Variants in ARHGAP19 observed in about 807,000 individuals in gnomAD.
ARHGAP19 encodes rho GTPase-activating protein 19.
ARHGAP19 carries 48 observed loss-of-function variants against 60.9 expected under a neutral mutation model. The ratio of observed to expected loss-of-function variants is 0.79; its 90% CI spans 0.62 to 1.00. The LOEUF (loss-of-function observed/expected upper bound fraction) is 1.00. Ranked by LOEUF, ARHGAP19 falls within the 50% of genes least tolerant of loss-of-function variation. ARHGAP19 has a pLI of 0.00. For synonymous variants in ARHGAP19, 209 were observed against 215.5 expected (o/e 0.97, Z 0.27); for missense variants, 562 against 597.2 (o/e 0.94, Z 0.61).
At chr10:97,236,757 T>C (rs1018155166) in intron 8 of ARHGAP19, among the ~76,000 whole-genome samples, 1 of 134,952 alleles carries the variant, frequency 7.4e-6, no homozygotes, top group Non-Finnish European at 1.5e-5. Flanking sequence ...GAGGCTGCAG[T>C]GAGCCATGAT....
chr10:97,259,961 G>A (rs1443017128), intron 4 of ARHGAP19, among the ~76,000 whole-genome samples: 2 of 151,284 alleles, frequency 1.3e-5, no homozygotes, highest in African/African-American at 2.4e-5. Context: ...TCAGCCTCCC[G>A]AGTAGCTGGG....
chr10:97,238,289 C>G (rs531689712), intron 8 of ARHGAP19, among the ~76,000 whole-genome samples: 1 of 152,154 alleles, frequency 6.6e-6, no homozygotes, highest in African/African-American at 2.4e-5. Context: ...TCACCGCAGC[C>G]CCAAACTCCT....
At chr10:97,236,663 C>T (rs1259442502) in intron 8 of ARHGAP19, among the ~76,000 whole-genome samples, 2 of 151,844 alleles carry the variant, frequency 1.3e-5, no homozygotes, top group Admixed American at 1.3e-4. Context: ...AAAAATTAGC[C>T]GGGCATGGTG....
At chr10:97,243,787 A>G (rs1365093287) in intron 8 of ARHGAP19, among the ~76,000 whole-genome samples, 181 bp downstream of exon 8, 3 of 152,170 alleles carry the variant, frequency 2.0e-5, no homozygotes, top group African/African-American at 7.2e-5. Flanking sequence ...AGAAATCAAG[A>G]GACTCCACTC....
chr10:97,256,497 T>C, intron 5 of ARHGAP19, 93 bp from the exon 6 acceptor site: 2 of 932,874 alleles, frequency 2.1e-6, no homozygotes. Flanking sequence ...ATGAAGTTTC[T>C]ATCCCTAGCC....
At chr10:97,289,485 A>G (rs1382586091) in intron 1 of ARHGAP19, among the ~76,000 whole-genome samples, 2 of 152,148 alleles carry the variant, frequency 1.3e-5, no homozygotes, top group East Asian at 3.9e-4. Flanking sequence ...ATACCTACTG[A>G]TCATGTAATT....
At chr10:97,270,660 A>T in intron 1 of ARHGAP19, 1 of 1,547,360 alleles carries the variant, frequency 6.5e-7, no homozygotes, top group African/African-American at 1.4e-5. Context: ...ACAGGAAGAA[A>T]GCTTTCCCCT....
At chr10:97,235,419 A>G in intron 8 of ARHGAP19, 104 bp from the exon 9 acceptor site, 1 of 1,001,074 alleles carries the variant, frequency 1.0e-6, no homozygotes, top group South Asian at 1.4e-5. Context: ...GGAAAAACTG[A>G]GTCTGCGCAT....
intron 9 of ARHGAP19, among the ~76,000 whole-genome samples, chr10:97,230,760 G>A (rs892013497): frequency 1.3e-5 from 2 of 152,104 alleles, no homozygotes; most frequent in African/African-American, 4.8e-5. Flanking sequence ...TAAGGCTGAG[G>A]GAAAACACAA....
intron 5 of ARHGAP19, among the ~76,000 whole-genome samples, chr10:97,258,146 C>T (rs1352366185): frequency 6.6e-6 from 1 of 152,130 alleles, no homozygotes; most frequent in Non-Finnish European, 1.5e-5. Flanking sequence ...CTGTATTATG[C>T]CCAGTTTACA....
At chr10:97,251,241 A>AGGGAAGGGGGAG (rs1842647400) in intron 6 of ARHGAP19, among the ~76,000 whole-genome samples, 1 of 16,998 alleles carries the variant, frequency 5.9e-5, no homozygotes, top group Non-Finnish European at 1.0e-4. Flanking sequence ...GGGAAGGGGA[A>AGGGAAGGGGGAG]GGGAAGGGGG....
chr10:97,271,325 A>G (rs1273681185), intron 1 of ARHGAP19, among the ~76,000 whole-genome samples: 1 of 151,792 alleles, frequency 6.6e-6, no homozygotes, highest in Non-Finnish European at 1.5e-5. Context: ...TCCATTCATA[A>G]TAAATAAATA....
intron 1 of ARHGAP19, among the ~76,000 whole-genome samples, chr10:97,285,631 C>T (rs11189097): frequency 0.042 from 6,235 of 148,768 alleles, 202 homozygotes; most frequent in Non-Finnish European, 0.061. Context: ...AAGCAATTAT[C>T]CTGCCTCAGC....
Position 97,222,286 on chromosome 10 carries a change from A to T in ARHGAP19, c.*3836T>A, listed in dbSNP as rs1850817275. On this transcript the variant is annotated 3_prime_UTR_variant, in exon 12 of 12. Transcript: ENST00000358531. ...CATATACATAGTCAAATAAGAATGA[A>T]AACTTTAACCAAAACACTTAAGAAA... The T allele has an allele frequency of 6.6e-6, 1 of 152,264 alleles. No individual in the cohort carries two copies. The highest frequency in any genetic ancestry group is 1.5e-5 in the Non-Finnish European group (1 of 68,044). 9.4% of individuals were successfully genotyped at this position (152,264 alleles called of 1,614,324 possible).
intron 1 of ARHGAP19, among the ~76,000 whole-genome samples, chr10:97,271,732 A>T (rs1842961514): frequency 6.6e-6 from 1 of 152,052 alleles, no homozygotes; most frequent in Non-Finnish European, 1.5e-5. Flanking sequence ...CCCAGGCTGC[A>T]GTGTAGTGGC....
At chr10:97,272,245 C>T (rs1446142450) in intron 1 of ARHGAP19, among the ~76,000 whole-genome samples, 1 of 145,746 alleles carries the variant, frequency 6.9e-6, no homozygotes, top group Non-Finnish European at 1.5e-5. Context: ...AAGCAATTCT[C>T]CTGCCTCAGC....
intron 1 of ARHGAP19, among the ~76,000 whole-genome samples, chr10:97,280,212 C>T (rs150208700): frequency 2.0e-5 from 3 of 151,852 alleles, no homozygotes; most frequent in African/African-American, 7.3e-5. Flanking sequence ...TTCAAGACCA[C>T]CCTAGCCAAC....
At chr10:97,235,749 A>G (rs1260053749) in intron 8 of ARHGAP19, among the ~76,000 whole-genome samples, 1 of 152,216 alleles carries the variant, frequency 6.6e-6, no homozygotes, top group Non-Finnish European at 1.5e-5. Flanking sequence ...ATGGACATCT[A>G]TCATGACTGC....
At chr10:97,251,423 AGG>A (rs1226883013) in intron 6 of ARHGAP19, among the ~76,000 whole-genome samples, 1 of 50,002 alleles carries the variant, frequency 2.0e-5, no homozygotes, top group Non-Finnish European at 3.9e-5. Flanking sequence ...AGGAAGGGGA[AGG>A]GAAGGGGAAG....
Sources: allele counts gnomAD v4.1 joint callset (sites outside exome capture counted in the v4.1 genomes callset), GRCh38; gene constraint gnomAD v4.1.1; transcripts MANE v1.5; gene names NCBI Gene and HGNC (gene_info 2026-07-23, HGNC 2026-07-21).